Variants in CUL4B observed in about 807,000 individuals in gnomAD.
CUL4B encodes cullin-4B.
In CUL4B, 1 loss-of-function variant was observed where a neutral mutation model predicts 69.2. That is an observed-to-expected ratio of 0.01 (90% CI 0.01 to 0.07). The LOEUF (loss-of-function observed/expected upper bound fraction) is 0.07, where lower values mean the gene tolerates loss of function less well. Ranked by LOEUF, CUL4B falls within the 10% of genes least tolerant of loss-of-function variation. CUL4B has a pLI of 1.00. For synonymous variants in CUL4B, 237 were observed against 223.2 expected (o/e 1.06, Z -0.55); for missense variants, 328 against 638.8 (o/e 0.51, Z 5.24).
chrX:120,547,157 G>A lies in CUL4B; in HGVS notation c.755C>T (p.Ala252Val). The change falls in exon 3 of 20, where the codon GCA becomes GTA. Residue 252 changes from alanine to valine, a missense_variant. Around this residue, in one of 4 missense-constraint regions of CUL4B, gnomAD observed 126 missense variants for 202.5 expected, o/e 0.62. Coordinates refer to ENST00000371322, the MANE Select transcript of CUL4B (RefSeq NM_001079872.2). ...LRQICEDHIK[A>V]QIHQFREDSL... is the part of the protein sequence containing the mutation. The stretch of plus-strand genomic sequence containing the variant: ...ATATTCTCTGAATTGATGAATCTGT[G>A]CTTTGATGTGATCTTCGCAGATCTG... The A allele has an allele frequency of 1.7e-6, 2 of 1,200,265 alleles. No individual in the cohort carries two copies. The highest frequency in any genetic ancestry group is 2.3e-6 in the Non-Finnish European group (2 of 885,326).
At chrX:120,561,177 C>T (rs1262237272), upstream of CUL4B, 5 of 735,346 alleles carry the variant, frequency 6.8e-6, no homozygotes, top group East Asian at 1.2e-4. Context: ...GCCCGGGGGG[C>T]GGGGGAGCTC....
At chrX:120,530,072 C>T (rs1165743272) in intron 19 of CUL4B, 30 bp downstream of exon 19, 6 of 1,185,997 alleles carry the variant, frequency 5.1e-6, no homozygotes, top group African/African-American at 3.5e-5. Flanking sequence ...ATTTATAACA[C>T]GCTCAATAGG....
In CUL4B at chrX:120,546,597, G is replaced by A. The variant is rs747542578; in HGVS notation, c.796C>T (p.Leu266Phe). The A allele has an allele frequency of 8.4e-7, 1 of 1,196,539 alleles. No individual in the cohort carries two copies. The stretch of plus-strand genomic sequence containing the variant: ...CATCTATCAATCTTCTTTAAAAAAA[G>A]AACGCTATCCAATGAATCCCTGAAA... ...QFREDSLDSV[L>F]FLKKIDRCWQ... The change falls in exon 4 of 20, where the codon CTT becomes TTT. Residue 266 changes from leucine to phenylalanine, a missense_variant. Leu to Phe is a conservative substitution (Grantham distance 22). This residue lies in a region of CUL4B where 126 missense variants were observed against 202.5 expected (regional missense o/e 0.62). Coordinates refer to ENST00000371322, the MANE Select transcript of CUL4B (RefSeq NM_001079872.2).
At chrX:120,529,824 G>C (rs1923205508) in intron 19 of CUL4B, among the ~76,000 whole-genome samples, 1 of 110,945 alleles carries the variant, frequency 9.0e-6, no homozygotes, top group Admixed American at 9.6e-5. Context: ...AAGTTCAAAA[G>C]AAATATAGTG....
At chrX:120,543,377 G>A (rs1004000618) in intron 8 of CUL4B, among the ~76,000 whole-genome samples, 1 of 110,438 alleles carries the variant, frequency 9.1e-6, no homozygotes, top group Non-Finnish European at 1.9e-5. Context: ...GAGGCCCCTC[G>A]ACTGGCAATA....
intron 5 of CUL4B, 95 bp from the exon 6 acceptor site, chrX:120,544,738 G>C: frequency 1.5e-6 from 1 of 675,510 alleles, no homozygotes; most frequent in Non-Finnish European, 2.3e-6. Context: ...ATGCTAATTA[G>C]GGCTCCAGGG....
chrX:120,528,120 A>G (rs898243440), intron 19 of CUL4B, among the ~76,000 whole-genome samples: 1 of 111,884 alleles, frequency 8.9e-6, no homozygotes, highest in African/African-American at 3.2e-5. Flanking sequence ...TGAAATCACT[A>G]TTTAGACCGG....
intron 14 of CUL4B, among the ~76,000 whole-genome samples, chrX:120,537,662 G>T (rs761381000): frequency 7.2e-5 from 8 of 111,782 alleles, no homozygotes; most frequent in Non-Finnish European, 1.5e-4. Context: ...AATCTAATTT[G>T]CCATCATTAT....
At chrX:120,531,658 C>T (rs1167887369) in intron 18 of CUL4B, among the ~76,000 whole-genome samples, 1 of 109,964 alleles carries the variant, frequency 9.1e-6, no homozygotes, top group African/African-American at 3.3e-5. Flanking sequence ...CAGGGTATCG[C>T]CATGTTGGCC....
At chrX:120,540,340 A>G (rs1472484609) in intron 11 of CUL4B, 30 bp downstream of exon 11, 1 of 1,168,443 alleles carries the variant, frequency 8.6e-7, no homozygotes, top group African/African-American at 1.8e-5. Context: ...AACATCATTA[A>G]ACAACTGGAA....
intron 13 of CUL4B, 100 bp from the exon 14 acceptor site, chrX:120,538,309 T>C (rs1923789231): frequency 1.9e-6 from 1 of 532,968 alleles, no homozygotes; most frequent in Admixed American, 3.6e-5. Context: ...GTATGAAGTA[T>C]GATCTGTAAC....
chrX:120,553,723 G>A (rs1471063532), intron 2 of CUL4B, among the ~76,000 whole-genome samples: 1 of 111,161 alleles, frequency 9.0e-6, no homozygotes, highest in African/African-American at 3.3e-5. Flanking sequence ...GGGCAACATA[G>A]CAAGACCCCC....
At chrX:120,567,024 C>T (rs547444008), downstream of CUL4B, among the ~76,000 whole-genome samples, 7 of 110,710 alleles carry the variant, frequency 6.3e-5, no homozygotes, top group African/African-American at 1.6e-4. Flanking sequence ...TTTACTTTAT[C>T]GATGTCTCTC....
intron 18 of CUL4B, chrX:120,532,203 A>T: frequency 2.8e-6 from 1 of 352,367 alleles, no homozygotes; most frequent in South Asian, 5.4e-5. Context: ...TACTAAATAA[A>T]CAAAGTAAGA....
chrX:120,565,219 A>G (rs1925457195), upstream of CUL4B, among the ~76,000 whole-genome samples: 1 of 110,437 alleles, frequency 9.1e-6, no homozygotes, highest in African/African-American at 3.3e-5. Flanking sequence ...CAGATATCTC[A>G]TACCAGTGGC....
intron 1 of CUL4B, chrX:120,559,799 A>G: frequency 9.1e-7 from 1 of 1,092,978 alleles, no homozygotes; most frequent in South Asian, 2.0e-5. Flanking sequence ...CGGATCAATC[A>G]TACCGATTGT....
chrX:120,561,360 C>T (rs375476231), upstream of CUL4B: 1 of 566,334 alleles, frequency 1.8e-6, no homozygotes, highest in South Asian at 2.3e-5. Context: ...CTTCGCGCCG[C>T]AGCGCCCTTA....
At chrX:120,570,638 T>G (rs188105113), downstream of CUL4B, among the ~76,000 whole-genome samples, 7 of 112,534 alleles carry the variant, frequency 6.2e-5, no homozygotes, top group African/African-American at 2.3e-4. Context: ...TCTATTCCTA[T>G]TCTGCATGCA....
At chrX:120,539,847 G>A (rs992236007) in intron 11 of CUL4B, among the ~76,000 whole-genome samples, 11 of 111,983 alleles carry the variant, frequency 9.8e-5, no homozygotes, top group Admixed American at 9.5e-4. Flanking sequence ...ATAGTAGATA[G>A]GTTGCAACAA....
Sources: allele counts gnomAD v4.1 joint callset (sites outside exome capture counted in the v4.1 genomes callset), GRCh38; gene constraint gnomAD v4.1.1; regional missense constraint gnomAD v4.1.1; transcripts MANE v1.5; gene names NCBI Gene and HGNC (gene_info 2026-07-23, HGNC 2026-07-21).